Variants in SHISA9 observed in about 807,000 individuals in gnomAD.
The protein encoded by SHISA9 is protein shisa-9.
SHISA9 carries 13 observed loss-of-function variants against 38.0 expected under a neutral mutation model. The observed-to-expected ratio is 0.34, with a 90% confidence interval of 0.22 to 0.54. The LOEUF is 0.54. SHISA9 is among the 20% of genes least tolerant of loss of function. The probability of loss-of-function intolerance (pLI) is 0.91; values close to 1 mark genes in which losing one functional copy is unlikely to be tolerated. For missense variants in SHISA9, 538 were observed against 575.8 expected, an observed-to-expected ratio of 0.93 and a Z score of 0.67; for synonymous variants, 275 against 242.0, an observed-to-expected ratio of 1.14 and a Z score of -1.27.
intron 2 of SHISA9, among the ~76,000 whole-genome samples, chr16:13,072,820 C>T (rs1351022683): frequency 6.6e-6 from 1 of 152,068 alleles, no homozygotes; most frequent in Non-Finnish European, 1.5e-5. Context: ...GCCACCACAC[C>T]CAGCTAATTT....
chr16:13,086,227 T>A (rs2073708596), intron 2 of SHISA9, among the ~76,000 whole-genome samples: 1 of 151,732 alleles, frequency 6.6e-6, no homozygotes, highest in African/African-American at 2.4e-5. Flanking sequence ...TGGTGGCATG[T>A]GCCTGTAGTC....
At chr16:13,112,247 G>A (rs1372718920) in intron 2 of SHISA9, among the ~76,000 whole-genome samples, 1 of 152,016 alleles carries the variant, frequency 6.6e-6, no homozygotes. Flanking sequence ...TGGTGTTTTA[G>A]TTAATAAGAG....
chr16:13,223,083 C>T (rs1034007744), intron 4 of SHISA9, among the ~76,000 whole-genome samples: 1 of 152,214 alleles, frequency 6.6e-6, no homozygotes, highest in South Asian at 2.1e-4. Flanking sequence ...CATCTGCTGT[C>T]AAAGTTTATA....
At chr16:13,121,151 C>A (rs766260367) in intron 2 of SHISA9, among the ~76,000 whole-genome samples, 1 of 151,810 alleles carries the variant, frequency 6.6e-6, no homozygotes, top group Non-Finnish European at 1.5e-5. Flanking sequence ...CAGGGGGAGA[C>A]CCCCTGTCTC....
At chr16:13,489,113 C>T in the SHISA9 span, among the ~76,000 whole-genome samples, 1 of 152,130 alleles carries the variant, frequency 6.6e-6, no homozygotes, top group Non-Finnish European at 1.5e-5. Flanking sequence ...ATGGCACTAT[C>T]TCAGCTCACT....
intron 2 of SHISA9, 37 bp downstream of exon 2, chr16:12,916,852 G>T: frequency 6.5e-7 from 1 of 1,546,026 alleles, no homozygotes; most frequent in Non-Finnish European, 8.7e-7. Flanking sequence ...CAGTCCCATG[G>T]GGTGACCTGA....
chr16:13,408,999 C>T, the SHISA9 span, among the ~76,000 whole-genome samples: 1 of 152,200 alleles, frequency 6.6e-6, no homozygotes, highest in Non-Finnish European at 1.5e-5. Flanking sequence ...TGGCCTGCCA[C>T]ACCCCACTAT....
At chr16:12,945,543 C>T (rs1665301241) in intron 2 of SHISA9, among the ~76,000 whole-genome samples, 1 of 152,136 alleles carries the variant, frequency 6.6e-6, no homozygotes, top group Non-Finnish European at 1.5e-5. Flanking sequence ...GCATTTCTTT[C>T]TTGTTCTATG....
chr16:13,361,113 C>T, the SHISA9 span, among the ~76,000 whole-genome samples: 2 of 152,306 alleles, frequency 1.3e-5, no homozygotes, highest in African/African-American at 2.4e-5. Flanking sequence ...CACACTTTTT[C>T]CTTCATTTCC....
the SHISA9 span, among the ~76,000 whole-genome samples, chr16:13,496,969 T>C: frequency 3.3e-5 from 5 of 152,314 alleles, no homozygotes; most frequent in South Asian, 4.1e-4. Flanking sequence ...TTTAATTCAA[T>C]GCTAACCAGA....
the SHISA9 span, among the ~76,000 whole-genome samples, chr16:13,353,913 C>CTGTA: frequency 6.6e-6 from 1 of 152,038 alleles, no homozygotes; most frequent in African/African-American, 2.4e-5. Flanking sequence ...TGTTATGAGA[C>CTGTA]TGTATTGAGA....
At chr16:13,194,060 T>C (rs2050913547) in intron 2 of SHISA9, among the ~76,000 whole-genome samples, 2 of 152,142 alleles carry the variant, frequency 1.3e-5, no homozygotes, top group South Asian at 4.1e-4. Flanking sequence ...GACATGATCT[T>C]AGTCTTCCTC....
the SHISA9 span, among the ~76,000 whole-genome samples, chr16:13,471,997 C>T: frequency 6.6e-6 from 1 of 152,134 alleles, no homozygotes; most frequent in Admixed American, 6.5e-5. Context: ...ATGGAAGTGT[C>T]TTGTTTCTGG....
chr16:13,052,959 CTTTTTTTTTTT>C (rs925020167), intron 2 of SHISA9, among the ~76,000 whole-genome samples: 4 of 106,082 alleles, frequency 3.8e-5, no homozygotes, highest in Admixed American at 9.7e-5. Context: ...TCCTTCCTTT[CTTTTTTTTTTT>C]TTTTTTTTTT....
At chr16:13,343,599 C>T in the SHISA9 span, among the ~76,000 whole-genome samples, 2 of 152,112 alleles carry the variant, frequency 1.3e-5, no homozygotes, top group Non-Finnish European at 2.9e-5. Context: ...TAATCATCAA[C>T]TGCTTTACAA....
chr16:13,504,234 A>C, the SHISA9 span, among the ~76,000 whole-genome samples: 3 of 152,246 alleles, frequency 2.0e-5, no homozygotes, highest in Admixed American at 6.5e-5. Context: ...GCAATACCCA[A>C]ATTGCAGTAA....
At chr16:13,073,340 A>T (rs2073541394) in intron 2 of SHISA9, among the ~76,000 whole-genome samples, 1 of 151,812 alleles carries the variant, frequency 6.6e-6, no homozygotes, top group Non-Finnish European at 1.5e-5. Context: ...GGGAGCAAAG[A>T]GTCTTTGCCA....
At chr16:12,914,046 CTT>C (rs61679035) in intron 1 of SHISA9, among the ~76,000 whole-genome samples, 107 of 124,248 alleles carry the variant, frequency 8.6e-4, no homozygotes, top group African/African-American at 2.1e-3. Flanking sequence ...GTTTGTTTTT[CTT>C]TTTTTTTTTT....
intron 1 of SHISA9, among the ~76,000 whole-genome samples, chr16:12,913,532 A>G (rs1314359599): frequency 6.6e-6 from 1 of 152,166 alleles, no homozygotes; most frequent in Non-Finnish European, 1.5e-5. Context: ...AAAAGTTGCA[A>G]TTCTTTTTGC....
Sources: allele counts gnomAD v4.1 joint callset (sites outside exome capture counted in the v4.1 genomes callset), GRCh38; gene constraint gnomAD v4.1.1; transcripts MANE v1.5; gene names NCBI Gene and HGNC (gene_info 2026-07-23, HGNC 2026-07-21).